SEL1L2: variants seen among roughly 807,000 people sequenced by gnomAD.
SEL1L2 encodes the protein protein sel-1 homolog 2.
In SEL1L2, 89 loss-of-function variants were observed where a neutral mutation model predicts 98.8. The ratio of observed to expected loss-of-function variants is 0.90; its 90% confidence interval spans 0.76 to 1.07. The LOEUF (loss-of-function observed/expected upper bound fraction) is 1.07. SEL1L2 is among the 50% of genes least tolerant of loss of function. The pLI, the probability that SEL1L2 is intolerant of heterozygous loss-of-function variation, is 0.00. For synonymous variants in SEL1L2, 262 were observed against 278.5 expected (o/e 0.94, Z 0.59); for missense variants, 788 against 812.0 (o/e 0.97, Z 0.36).
At chr20:13,912,056 G>A (rs2048225243) in intron 5 of SEL1L2, among the ~76,000 whole-genome samples, 1 of 151,758 alleles carries the variant, frequency 6.6e-6, no homozygotes, top group Non-Finnish European at 1.5e-5. Flanking sequence ...CTTGTCCTAG[G>A]CAGTGTGTTA....
intron 10 of SEL1L2, among the ~76,000 whole-genome samples, chr20:13,880,438 C>CT (rs948070706): frequency 8.6e-5 from 13 of 151,374 alleles, no homozygotes; most frequent in South Asian, 4.2e-4. Flanking sequence ...ATTTCATTCC[C>CT]TTTTTTTTTC....
intron 1 of SEL1L2, among the ~76,000 whole-genome samples, chr20:13,963,315 T>G (rs1307840609): frequency 1.4e-5 from 2 of 147,772 alleles, no homozygotes; most frequent in African/African-American, 5.0e-5. Flanking sequence ...ATATCTTGAC[T>G]TCTCATTCTC....
chr20:13,937,199 G>C (rs2049496012), intron 2 of SEL1L2, among the ~76,000 whole-genome samples: 1 of 152,182 alleles, frequency 6.6e-6, no homozygotes, highest in South Asian at 2.1e-4. Context: ...GTGACCCACG[G>C]TGATGGCCCT....
rs1169446627 is a variant in SEL1L2 at position 13,907,398 on chromosome 20, TA to T, written c.549+6383del. Among the ~76,000 whole-genome samples the T allele has an allele frequency of 1.0e-4, 15 of 148,698 alleles. 1 individual carries two copies. The highest frequency in any genetic ancestry group is 1.2e-4 in the Non-Finnish European group (8 of 66,844). ...AGAGCAACATAGTGAAATCCTGTCT[TA>T]AAAAAAAAACTAAAACAATATTAGC... is the stretch of plus-strand genomic sequence containing the variant. On this transcript the variant is annotated intron_variant, in intron 5 of 19. Coordinates refer to ENST00000284951, the MANE Select transcript of SEL1L2 (RefSeq NM_025229.2).
intron 3 of SEL1L2, among the ~76,000 whole-genome samples, chr20:13,926,417 G>A (rs2048909262): frequency 6.6e-6 from 1 of 152,168 alleles, no homozygotes; most frequent in African/African-American, 2.4e-5. Context: ...CTGCGATGCG[G>A]GCTCACTTGG....
At chr20:13,915,075 T>A in intron 4 of SEL1L2, 6 of 1,260,810 alleles carry the variant, frequency 4.8e-6, no homozygotes, top group Non-Finnish European at 6.2e-6. Flanking sequence ...AAAAACCCCA[T>A]AAAAATCTAC....
chr20:13,992,133 T>C (rs1334448551), upstream of SEL1L2, among the ~76,000 whole-genome samples: 3 of 152,284 alleles, frequency 2.0e-5, no homozygotes, highest in African/African-American at 4.8e-5. Context: ...TAGGGAGTGA[T>C]GTTCAAGCTG....
At chr20:13,994,533 C>A (rs1317085825), upstream of SEL1L2, among the ~76,000 whole-genome samples, 1 of 152,056 alleles carries the variant, frequency 6.6e-6, no homozygotes, top group Non-Finnish European at 1.5e-5. Flanking sequence ...TTTACAACAT[C>A]CACTCAATTA....
intron 5 of SEL1L2, among the ~76,000 whole-genome samples, chr20:13,895,628 C>G (rs1326417680): frequency 6.6e-6 from 1 of 152,154 alleles, no homozygotes; most frequent in Non-Finnish European, 1.5e-5. Flanking sequence ...TATATAAAAG[C>G]TTACAGCTTA....
intron 5 of SEL1L2, among the ~76,000 whole-genome samples, chr20:13,894,697 A>G (rs1455811446): frequency 6.6e-6 from 1 of 152,256 alleles, no homozygotes; most frequent in Admixed American, 6.5e-5. Context: ...AATAAAAAGG[A>G]TCATACTGTT....
chr20:13,902,587 A>G (rs1348514460), intron 5 of SEL1L2, among the ~76,000 whole-genome samples: 1 of 151,988 alleles, frequency 6.6e-6, no homozygotes, highest in Non-Finnish European at 1.5e-5. Flanking sequence ...CTTGGTCATG[A>G]CTCTAATTTC....
chr20:13,968,208 G>A (rs184440210), intron 1 of SEL1L2, among the ~76,000 whole-genome samples: 7 of 152,236 alleles, frequency 4.6e-5, no homozygotes, highest in East Asian at 1.9e-4. Flanking sequence ...GAATAGTTCC[G>A]TTACTTATTT....
intron 15 of SEL1L2, among the ~76,000 whole-genome samples, chr20:13,866,171 G>C (rs1991001546): frequency 6.6e-6 from 1 of 152,174 alleles, no homozygotes; most frequent in Non-Finnish European, 1.5e-5. Context: ...ATTTATGCTG[G>C]TGTAGCAGAC....
chr20:13,918,899 T>A (rs2048525604), intron 4 of SEL1L2, 122 bp downstream of exon 4: 14 of 652,850 alleles, frequency 2.1e-5, no homozygotes, highest in Middle Eastern at 5.3e-4. Flanking sequence ...AAAACAATAG[T>A]TTATGGGCAA....
At chr20:13,854,988 T>C (rs1419919784) in intron 18 of SEL1L2, among the ~76,000 whole-genome samples, 1 of 144,874 alleles carries the variant, frequency 6.9e-6, no homozygotes, top group Non-Finnish European at 1.5e-5. Context: ...GAGGCAGAGG[T>C]TGCAGTGACC....
chr20:13,937,446 G>A (rs977151492), intron 2 of SEL1L2, among the ~76,000 whole-genome samples: 1 of 152,192 alleles, frequency 6.6e-6, no homozygotes, highest in Non-Finnish European at 1.5e-5. Flanking sequence ...CTGGTGTGGT[G>A]ACCCAGGAAA....
chr20:13,920,493 A>C (rs1323080833), intron 3 of SEL1L2, among the ~76,000 whole-genome samples: 1 of 152,206 alleles, frequency 6.6e-6, no homozygotes, highest in Non-Finnish European at 1.5e-5. Flanking sequence ...GGTTGTGGGA[A>C]GAGTCACACT....
chr20:13,865,242 C>G lies in SEL1L2; in HGVS notation c.1571-1G>C. On this transcript the variant is annotated splice_acceptor_variant, in intron 16 of 19. Transcript: ENST00000284951. LOFTEE classifies it high-confidence loss of function. ...TCTTTTTCAAGAATGTTAGCCTTTT[C>G]TAAAAAGAGGAGACATTCCATTAGG... 1 of 1,613,198 alleles carries G rather than the reference C, an allele frequency of 6.2e-7. No homozygotes were observed. Among genetic ancestry groups the G allele is most frequent in the Non-Finnish European group, 8.5e-7 (1 of 1,179,346 alleles).
At chr20:13,963,738 A>C (rs1047384873) in intron 1 of SEL1L2, among the ~76,000 whole-genome samples, 4 of 152,152 alleles carry the variant, frequency 2.6e-5, no homozygotes, top group Non-Finnish European at 4.4e-5. Flanking sequence ...TAAAAATAAA[A>C]ATGAGAATAA....
Sources: allele counts gnomAD v4.1 joint callset (sites outside exome capture counted in the v4.1 genomes callset), GRCh38; gene constraint gnomAD v4.1.1; transcripts MANE v1.5; gene names NCBI Gene and HGNC (gene_info 2026-07-23, HGNC 2026-07-21).